The following NAALADL2 variants were observed in gnomAD, a reference collection of about 807,000 sequenced individuals.
The protein encoded by NAALADL2 is N-acetylated alpha-linked acidic dipeptidase like 2, also known as inactive N-acetylated-alpha-linked acidic dipeptidase-like protein 2.
NAALADL2 carries 76 observed loss-of-function variants against 87.2 expected under a neutral mutation model. That is an observed-to-expected ratio of 0.87 (90% CI 0.72 to 1.05). NAALADL2 has a LOEUF of 1.05. Ranked by LOEUF, NAALADL2 falls within the 50% of genes least tolerant of loss-of-function variation. The pLI is 0.00. For missense variants in NAALADL2, 1,089 were observed against 945.8 expected (o/e 1.15, Z -1.99); for synonymous variants, 354 against 331.0 (o/e 1.07, Z -0.75).
chr3:175,095,713 G>A (rs1044160862), intron 1 of NAALADL2, among the ~76,000 whole-genome samples: 1 of 151,934 alleles, frequency 6.6e-6, no homozygotes, highest in Non-Finnish European at 1.5e-5. Context: ...GATTCCTAAG[G>A]CAATTAGCTT....
intron 11 of NAALADL2, among the ~76,000 whole-genome samples, chr3:175,686,098 A>T (rs948449070): frequency 1.3e-5 from 2 of 152,150 alleles, no homozygotes; most frequent in Non-Finnish European, 2.9e-5. Flanking sequence ...TAAATGTCTA[A>T]TGGTTCCTCA....
intron 11 of NAALADL2, among the ~76,000 whole-genome samples, chr3:175,731,645 T>G (rs1028993783): frequency 5.9e-5 from 9 of 152,202 alleles, no homozygotes; most frequent in African/African-American, 1.9e-4. Context: ...ATCTTCCTCT[T>G]GCTTACGAAG....
chr3:175,409,139 C>T (rs1415854206), intron 5 of NAALADL2, among the ~76,000 whole-genome samples: 1 of 151,618 alleles, frequency 6.6e-6, no homozygotes, highest in Non-Finnish European at 1.5e-5. Context: ...CTAGGTGTTT[C>T]CTTTTCTATG....
chr3:174,557,992 G>A (rs1303459018), intron 2 of NAALADL2, among the ~76,000 whole-genome samples: 4 of 152,106 alleles, frequency 2.6e-5, no homozygotes, highest in South Asian at 2.1e-4. Flanking sequence ...ATTTTTACTG[G>A]GGAGTGGTCA....
intron 11 of NAALADL2, among the ~76,000 whole-genome samples, chr3:175,643,868 T>C (rs1729619952): frequency 6.6e-6 from 1 of 152,184 alleles, no homozygotes; most frequent in Non-Finnish European, 1.5e-5. Flanking sequence ...CTAATGCTGA[T>C]AGATAAGCTA....
intron 3 of NAALADL2, among the ~76,000 whole-genome samples, chr3:174,813,429 T>C (rs73051872): frequency 0.023 from 3,553 of 152,286 alleles, 129 homozygotes; most frequent in African/African-American, 0.082. Context: ...CAAATACTTG[T>C]CATTGTGTTA....
intron 9 of NAALADL2, among the ~76,000 whole-genome samples, chr3:175,546,445 G>T (rs1010405745): frequency 1.1e-4 from 17 of 151,978 alleles, no homozygotes; most frequent in Non-Finnish European, 2.2e-4. Flanking sequence ...ATGTTAGCTG[G>T]TTATTTTTCA....
chr3:175,485,061 G>A (rs1403858342), intron 9 of NAALADL2, among the ~76,000 whole-genome samples: 1 of 152,050 alleles, frequency 6.6e-6, no homozygotes, highest in Non-Finnish European at 1.5e-5. Flanking sequence ...AAGTGATCCT[G>A]GTTTAACAAT....
At chr3:174,878,809 A>T (rs940320067) in intron 1 of NAALADL2, among the ~76,000 whole-genome samples, 1 of 151,986 alleles carries the variant, frequency 6.6e-6, no homozygotes, top group South Asian at 2.1e-4. Flanking sequence ...CATGTGAGAT[A>T]AAAAAATCCT....
chr3:175,753,789 G>C (rs960786741), intron 12 of NAALADL2, among the ~76,000 whole-genome samples: 1 of 152,146 alleles, frequency 6.6e-6, no homozygotes, highest in Non-Finnish European at 1.5e-5. Context: ...GAGTCCTTTT[G>C]TGATGTTTCC....
intron 11 of NAALADL2, among the ~76,000 whole-genome samples, chr3:175,640,543 G>A: frequency 6.6e-6 from 1 of 152,072 alleles, no homozygotes. Context: ...AGTGAGATAT[G>A]CATAGATTAC....
intron 2 of NAALADL2, among the ~76,000 whole-genome samples, chr3:175,224,544 C>T (rs111700077): frequency 6.6e-6 from 1 of 152,140 alleles, no homozygotes; most frequent in African/African-American, 2.4e-5. Flanking sequence ...TACTCTCCAT[C>T]CTCCTCTTCC....
At chr3:175,574,694 C>T (rs1164628582) in intron 9 of NAALADL2, among the ~76,000 whole-genome samples, 1 of 152,074 alleles carries the variant, frequency 6.6e-6, no homozygotes, top group Non-Finnish European at 1.5e-5. Flanking sequence ...ATTTCATCGT[C>T]CCTGTTAACC....
chr3:175,580,306 T>G (rs1014472031), intron 10 of NAALADL2, among the ~76,000 whole-genome samples: 2 of 152,110 alleles, frequency 1.3e-5, no homozygotes, highest in East Asian at 3.9e-4. Flanking sequence ...ATAAAAGTAG[T>G]TCATTTGTGC....
At chr3:175,323,105 T>G (rs1279833107) in intron 4 of NAALADL2, among the ~76,000 whole-genome samples, 2 of 146,122 alleles carry the variant, frequency 1.4e-5, no homozygotes, top group Admixed American at 6.8e-5. Flanking sequence ...CCAACAATGA[T>G]AGACTGGATT....
intron 5 of NAALADL2, among the ~76,000 whole-genome samples, chr3:175,403,104 C>A (rs538814759): frequency 1.3e-5 from 2 of 151,876 alleles, no homozygotes; most frequent in Admixed American, 6.6e-5. Flanking sequence ...ATGCTGAATG[C>A]GAGAAGGATA....
intron 7 of NAALADL2, among the ~76,000 whole-genome samples, chr3:175,465,251 CAAAAAA>C (rs563877269): frequency 1.2e-5 from 1 of 84,234 alleles, no homozygotes; most frequent in Admixed American, 1.4e-4. Flanking sequence ...GACTCTATCT[CAAAAAA>C]AAAAAAAAAA....
At chr3:175,161,265 A>G (rs9858268) in intron 2 of NAALADL2, among the ~76,000 whole-genome samples, 26,760 of 151,960 alleles carry the variant, frequency 0.18, 2,930 homozygotes, top group African/African-American at 0.3. Context: ...AGCAACAACA[A>G]ACATTTACTG....
chr3:174,820,512 TAAAC>T (rs1721303654), intron 3 of NAALADL2, among the ~76,000 whole-genome samples: 1 of 152,158 alleles, frequency 6.6e-6, no homozygotes, highest in South Asian at 2.1e-4. Context: ...TAAAAGCTCA[TAAAC>T]AAAAGAAACT....
Sources: allele counts gnomAD v4.1 joint callset (sites outside exome capture counted in the v4.1 genomes callset), GRCh38; gene constraint gnomAD v4.1.1; transcripts MANE v1.5; gene names NCBI Gene and HGNC (gene_info 2026-07-23, HGNC 2026-07-21).